Variants in TRARG1 observed in about 807,000 individuals in gnomAD.
TRARG1 encodes trafficking regulator of GLUT4 1.
Under a neutral mutation model 13.3 loss-of-function variants are expected in TRARG1, and 16 were observed. The ratio of observed to expected loss-of-function variants is 1.20; its 90% CI spans 0.81 to 1.83. TRARG1 has a LOEUF of 1.83. Ranked by LOEUF, TRARG1 falls within the 40% of genes most tolerant of loss-of-function variation. The pLI is 0.00. For missense variants in TRARG1, 250 were observed against 237.4 expected, an observed-to-expected ratio of 1.05 and a Z score of -0.35; for synonymous variants, 113 against 106.2, an observed-to-expected ratio of 1.06 and a Z score of -0.39.
At chr17:1,292,817 G>T (rs1051972427) in intron 1 of TRARG1, among the ~76,000 whole-genome samples, 6 of 151,958 alleles carry the variant, frequency 3.9e-5, no homozygotes, top group African/African-American at 1.2e-4. Context: ...ACCTTTCTTC[G>T]TGTGATCACA....
intron 1 of TRARG1, among the ~76,000 whole-genome samples, chr17:1,294,341 C>T (rs2072095402): frequency 6.6e-6 from 1 of 152,194 alleles, no homozygotes; most frequent in African/African-American, 2.4e-5. Context: ...AGCCACATGA[C>T]TCCACCCAGT....
chr17:1,286,186 C>G (rs571387925), intron 1 of TRARG1, among the ~76,000 whole-genome samples: 2 of 152,326 alleles, frequency 1.3e-5, no homozygotes, highest in East Asian at 1.9e-4. Context: ...GGCTGGCTCA[C>G]GCTGCACGGC....
intron 1 of TRARG1, among the ~76,000 whole-genome samples, chr17:1,292,111 TG>T (rs56996504): frequency 0.027 from 4,058 of 152,092 alleles, 197 homozygotes; most frequent in African/African-American, 0.093. Flanking sequence ...GAGGTTGCAG[TG>T]AGCCGAGATC....
At position 1,298,508 on chromosome 17, in the gene TRARG1, G is replaced by A. The variant is rs530289017; in HGVS notation, c.*244G>A. On this transcript the variant is annotated 3_prime_UTR_variant, in exon 3 of 3. Coordinates refer to ENST00000333813, the MANE Select transcript of TRARG1 (RefSeq NM_172367.3). ...TAACGTGGTTTACTCTCCCGGACGC[G>A]TCCTGGGATCTCAACCCCAGCAGTC... 4.0e-4 allele frequency: 182 copies of A among 449,528 alleles called. 1 individual carries two copies. The highest frequency in any genetic ancestry group is 3.3e-3 in the African/African-American group (169 of 50,574). 27.8% of individuals were successfully genotyped at this position (449,528 alleles called of 1,614,324 possible). A position where few individuals can be genotyped will look rare whatever the true frequency, so the allele number is the denominator to read the frequency against.
At chr17:1,298,166 C>A (rs2072125961) in intron 2 of TRARG1, 85 bp from the exon 3 acceptor site, 1 of 1,576,574 alleles carries the variant, frequency 6.3e-7, no homozygotes. Context: ...CCACTGGGAA[C>A]CAGAAACCCA....
At chr17:1,291,111 G>A (rs946550275) in intron 1 of TRARG1, among the ~76,000 whole-genome samples, 1 of 151,658 alleles carries the variant, frequency 6.6e-6, no homozygotes, top group Admixed American at 6.6e-5. Context: ...TCACCATGTT[G>A]GTCAGGCTGG....
intron 1 of TRARG1, among the ~76,000 whole-genome samples, chr17:1,292,218 G>A (rs1047671291): frequency 8.3e-6 from 1 of 120,950 alleles, no homozygotes; most frequent in Admixed American, 8.6e-5. Context: ...AACAGGAAAT[G>A]TAAGCTGGCC....
Position 1,279,879 on chromosome 17 carries a change from C to T in TRARG1, c.-123C>T, listed in dbSNP as rs747938810. On this transcript the variant is annotated 5_prime_UTR_variant, in exon 1 of 3. Coordinates refer to ENST00000333813, the MANE Select transcript of TRARG1 (RefSeq NM_172367.3). The stretch of plus-strand genomic sequence containing the variant: ...CAGCACCCAGCCGGCCCTCCGTCTC[C>T]TGAGGGACGCCCCTGCCCCCGACCT... 37 of 1,209,438 alleles carry T rather than the reference C, an allele frequency of 3.1e-5. No individual in the cohort carries two copies. The highest frequency in any genetic ancestry group is 4.2e-5 in the Non-Finnish European group (37 of 884,768). 74.9% of individuals were successfully genotyped at this position (1,209,438 alleles called of 1,614,324 possible).
intron 2 of TRARG1, among the ~76,000 whole-genome samples, chr17:1,297,779 A>G (rs1321977774): frequency 1.3e-5 from 2 of 151,310 alleles, no homozygotes; most frequent in Non-Finnish European, 1.5e-5. Context: ...AATTTTTGTT[A>G]TTTGTAGTAG....
rs946958136 is a variant in TRARG1, at chr17:1,300,870, C to G, written c.*2606C>G. On this transcript the variant is annotated 3_prime_UTR_variant, in exon 3 of 3. Coordinates refer to ENST00000333813, the MANE Select transcript of TRARG1 (RefSeq NM_172367.3). ...CCGGCTTAACGCACTAACCCAGCCT[C>G]TCCCTGTGTCCCACAGGGAGTAGCA... The G allele has an allele frequency of 1.3e-5, 2 of 152,328 alleles. No homozygotes were observed. The highest frequency in any genetic ancestry group is 4.8e-5 in the African/African-American group (2 of 41,474). 9.4% of individuals were successfully genotyped at this position (152,328 alleles called of 1,614,324 possible).
chr17:1,292,341 G>A (rs938098790), intron 1 of TRARG1, among the ~76,000 whole-genome samples: 4 of 152,152 alleles, frequency 2.6e-5, no homozygotes, highest in Non-Finnish European at 5.9e-5. Context: ...CCTCCCCTCT[G>A]TTCCCCACAC....
intron 1 of TRARG1, among the ~76,000 whole-genome samples, chr17:1,293,185 G>A (rs1181206357): frequency 6.6e-6 from 1 of 151,756 alleles, no homozygotes; most frequent in African/African-American, 2.4e-5. Context: ...TTGGGAGGCT[G>A]GGGTAGGAGA....
chr17:1,281,953 TAC>T (rs1290396520), intron 1 of TRARG1, among the ~76,000 whole-genome samples: 2 of 151,650 alleles, frequency 1.3e-5, no homozygotes, highest in Non-Finnish European at 2.9e-5. Context: ...TATATGCACA[TAC>T]ATGTACATAT....
At chr17:1,288,543 C>G (rs867087005) in intron 1 of TRARG1, among the ~76,000 whole-genome samples, 1 of 77,848 alleles carries the variant, frequency 1.3e-5, no homozygotes, top group African/African-American at 5.6e-5. Context: ...TCATCCCCCA[C>G]GGGTTCCCCA....
At chr17:1,282,035 T>C (rs531201356) in intron 1 of TRARG1, among the ~76,000 whole-genome samples, 34 of 148,444 alleles carry the variant, frequency 2.3e-4, no homozygotes, top group South Asian at 1.3e-3. Flanking sequence ...TGTACATATA[T>C]ACACACATAT....
In TRARG1 at chr17:1,283,836, G is replaced by A. The variant is rs556691191; in HGVS notation, c.387+3448G>A. Among the ~76,000 whole-genome samples, 6 of 151,162 alleles carry A rather than the reference G, an allele frequency of 4.0e-5. No homozygotes were observed. The South Asian group carries it at 6.3e-4, about 16-fold the overall frequency. The stretch of plus-strand genomic sequence containing the variant: ...AAAAAATAAAATAAAATAAAGGGCC[G>A]GGAGTGGTGGTCATGCCTGTAATCC... On this transcript the variant is annotated intron_variant, in intron 1 of 2. Transcript: ENST00000333813.
chr17:1,296,856 G>A (rs1567933593), intron 2 of TRARG1, among the ~76,000 whole-genome samples: 1 of 151,982 alleles, frequency 6.6e-6, no homozygotes, highest in Non-Finnish European at 1.5e-5. Flanking sequence ...CGTTGGCCAG[G>A]CTGGTCTCGA....
intron 1 of TRARG1, among the ~76,000 whole-genome samples, chr17:1,292,535 G>A (rs535367167): frequency 6.6e-6 from 1 of 152,162 alleles, no homozygotes; most frequent in South Asian, 2.1e-4. Flanking sequence ...CCCCAGCAAC[G>A]CTGACCTCCG....
Position 1,282,272 on chromosome 17 carries a change from GCA to G in TRARG1, c.387+1886_387+1887del, listed in dbSNP as rs1467617732. Among the ~76,000 whole-genome samples the G allele has an allele frequency of 2.8e-3, 336 of 120,854 alleles. 10 individuals are homozygous for G. Among genetic ancestry groups the G allele is most frequent in the African/African-American group, 5.6e-3 (146 of 25,968 alleles). 79.3% of individuals were successfully genotyped at this position (120,854 alleles called of 152,430 possible). A position where few individuals can be genotyped will look rare whatever the true frequency, so the allele number is the denominator to read the frequency against. On this transcript the variant is annotated intron_variant, in intron 1 of 2. Transcript: ENST00000333813. ...TATATGTACGTATATGTACATATAT[GCA>G]CGTATATGTACATATATGTACGTAT...
Sources: gnomAD v4.1 joint callset for allele counts (sites outside exome capture counted in the v4.1 genomes callset) on GRCh38, gnomAD v4.1.1 for gene constraint, MANE v1.5 for transcripts, NCBI Gene and HGNC (gene_info 2026-07-23, HGNC 2026-07-21) for gene names.